The following KCNH5 variants were observed in gnomAD, a reference collection of about 807,000 sequenced individuals.
KCNH5 encodes voltage-gated delayed rectifier potassium channel KCNH5.
Under a neutral mutation model 96.1 loss-of-function variants are expected in KCNH5, and 46 were observed. The ratio of observed to expected loss-of-function variants is 0.48; its 90% CI spans 0.38 to 0.61. The LOEUF (loss-of-function observed/expected upper bound fraction) is 0.61, where lower values mean the gene tolerates loss of function less well. Among genes scored for constraint, KCNH5 ranks in the 20% least tolerant of loss-of-function variants. KCNH5 has a pLI of 0.00. For missense variants in KCNH5, 907 were observed against 1,225.8 expected (o/e 0.74, Z 3.88); for synonymous variants, 439 against 449.8 (o/e 0.98, Z 0.30).
intron 8 of KCNH5, among the ~76,000 whole-genome samples, chr14:62,818,690 A>G (rs889962736): frequency 6.6e-6 from 1 of 152,218 alleles, no homozygotes; most frequent in African/African-American, 2.4e-5. Flanking sequence ...AAGTGTGTAG[A>G]TATGTTATTA....
At position 62,964,538 on chromosome 14, in the gene KCNH5, A is replaced by G. The variant is rs552333983; in HGVS notation, c.943-13979T>C. On this transcript the variant is annotated intron_variant, in intron 6 of 10. Transcript: ENST00000322893. ...ACTTACTGTCTGTTTTTCCCCCACC[A>G]GAATATTAACTCTGACCAAGATGAC... Among the ~76,000 whole-genome samples, 88 of 152,164 alleles carry G rather than the reference A, an allele frequency of 5.8e-4. 2 individuals carry two copies. In the South Asian group the frequency reaches 0.018, roughly 31 times the overall value.
At chr14:62,787,343 T>G (rs1886339641) in intron 9 of KCNH5, among the ~76,000 whole-genome samples, 1 of 152,116 alleles carries the variant, frequency 6.6e-6, no homozygotes, top group Non-Finnish European at 1.5e-5. Context: ...TATCTCCAAT[T>G]CTGTAAAGGC....
At chr14:63,037,307 A>C (rs1372492117) in intron 1 of KCNH5, among the ~76,000 whole-genome samples, 1 of 152,180 alleles carries the variant, frequency 6.6e-6, no homozygotes, top group African/African-American at 2.4e-5. Flanking sequence ...AAATATGCAC[A>C]TGCCCTCCAC....
At chr14:62,799,688 C>A (rs117560827) in intron 9 of KCNH5, among the ~76,000 whole-genome samples, 14,781 of 56,282 alleles carry the variant, frequency 0.26, 1,182 homozygotes, top group South Asian at 0.35. Flanking sequence ...TATGTATATA[C>A]CTTTATATAT....
chr14:62,707,452 A>G lies in KCNH5; in HGVS notation c.*56T>C. 1.1e-6 allele frequency: 1 copy of G among 874,700 alleles called. No homozygotes were observed. The highest frequency in any genetic ancestry group is 1.6e-6 in the Non-Finnish European group (1 of 637,648). The allele number at this position is 874,700 out of a possible 1,614,324, so 54.2% of individuals were successfully genotyped here. On this transcript the variant is annotated 3_prime_UTR_variant, in exon 11 of 11. Coordinates refer to ENST00000322893, the MANE Select transcript of KCNH5 (RefSeq NM_139318.5). ...AAATATATATATGTATATACTGTAT[A>G]TACACACATATGTATATACTGTTTT...
intron 7 of KCNH5, among the ~76,000 whole-genome samples, chr14:62,882,100 T>TAAAAAAAAAAAA (rs143123435): frequency 5.2e-5 from 4 of 76,658 alleles, no homozygotes; most frequent in African/African-American, 1.8e-4. Flanking sequence ...CCCCATTTCT[T>TAAAAAAAAAAAA]AAAAAAAAAA....
chr14:62,944,504 C>T (rs1357873142), intron 7 of KCNH5, among the ~76,000 whole-genome samples: 1 of 152,144 alleles, frequency 6.6e-6, no homozygotes, highest in African/African-American at 2.4e-5. Context: ...CACATACACA[C>T]ACACACACCG....
At chr14:63,041,179 A>G (rs886338527) in intron 1 of KCNH5, among the ~76,000 whole-genome samples, 2 of 152,154 alleles carry the variant, frequency 1.3e-5, no homozygotes, top group African/African-American at 2.4e-5. Flanking sequence ...CTGCCCAAAG[A>G]CAAAATCAGG....
intron 7 of KCNH5, among the ~76,000 whole-genome samples, chr14:62,890,917 G>A (rs554927527): frequency 1.3e-5 from 2 of 152,234 alleles, no homozygotes; most frequent in Non-Finnish European, 2.9e-5. Flanking sequence ...AAATGCTGGC[G>A]AGGTTGCAGA....
rs568517266 is a variant in KCNH5, at chr14:62,838,424, C to T, written c.1569+11229G>A. On this transcript the variant is annotated intron_variant, in intron 8 of 10. Transcript: ENST00000322893. ...AGGTCCAAGGTCTCTAATTGTTTCT[C>T]ATAAGCCCATCATGCCCCATCTAAG... Among the ~76,000 whole-genome samples the T allele has an allele frequency of 2.6e-5, 4 of 152,252 alleles. No individual in the cohort carries two copies. In the East Asian group the frequency reaches 7.7e-4, roughly 29 times the overall value.
chr14:62,723,062 T>G (rs1007017382), intron 10 of KCNH5, among the ~76,000 whole-genome samples: 4 of 152,178 alleles, frequency 2.6e-5, no homozygotes, highest in Admixed American at 6.5e-5. Context: ...TGGCTTTAGC[T>G]CTCGCCTTGG....
intron 6 of KCNH5, among the ~76,000 whole-genome samples, chr14:62,973,058 C>A (rs1890438409): frequency 6.6e-6 from 1 of 152,146 alleles, no homozygotes; most frequent in Non-Finnish European, 1.5e-5. Context: ...AACAGATGTA[C>A]CACTCTGGTG....
intron 7 of KCNH5, among the ~76,000 whole-genome samples, chr14:62,911,642 T>C (rs1692588767): frequency 6.6e-6 from 1 of 151,412 alleles, no homozygotes; most frequent in Non-Finnish European, 1.5e-5. Context: ...ATTAGAGAAG[T>C]GGGTCAATAT....
chr14:62,923,591 G>T (rs749468843), intron 7 of KCNH5, among the ~76,000 whole-genome samples: 10 of 151,764 alleles, frequency 6.6e-5, no homozygotes, highest in Non-Finnish European at 1.3e-4. Flanking sequence ...TCAATAATCA[G>T]AATAGTATGG....
intron 8 of KCNH5, among the ~76,000 whole-genome samples, chr14:62,835,843 T>A (rs1444570973): frequency 6.6e-6 from 1 of 152,058 alleles, no homozygotes; most frequent in Non-Finnish European, 1.5e-5. Context: ...TTACTTTTGC[T>A]ACGTTTCAAT....
chr14:63,001,362 G>T lies in KCNH5; in HGVS notation c.402C>A (p.Phe134Leu), dbSNP rs201865333. 6.2e-7 allele frequency: 1 copy of T among 1,610,678 alleles called. No individual in the cohort carries two copies. Among genetic ancestry groups the T allele is most frequent in the South Asian group, 1.1e-5 (1 of 90,234 alleles). Residue 134 changes from phenylalanine (F) to leucine (L), a missense_variant, in exon 4 of 11, where the codon TTC (phenylalanine) becomes TTA (leucine). By Grantham distance (22) the Phe-to-Leu change is conservative (BLOSUM62 0). This residue lies in a region of KCNH5 where 370 missense variants were observed against 561.3 expected (regional missense o/e 0.66). Coordinates refer to ENST00000322893, the MANE Select transcript of KCNH5 (RefSeq NM_139318.5). ...FLCTFKDITL[F>L]KQPIEDDSTK... is the part of the protein sequence containing the mutation. ...TTGAATCATCCTCTATTGGCTGTTT[G>T]AACAACGTAATATCCTTGAAAGTAC...
intron 2 of KCNH5, among the ~76,000 whole-genome samples, chr14:63,015,767 G>T (rs1891316357): frequency 6.6e-6 from 1 of 151,702 alleles, no homozygotes; most frequent in South Asian, 2.1e-4. Flanking sequence ...GTACCCAAGG[G>T]TTTCATATCC....
rs374491950 is a variant in KCNH5, at chr14:63,045,228, G to T, written c.-42C>A. On this transcript the variant is annotated 5_prime_UTR_variant, in exon 1 of 11. Transcript: ENST00000322893. The stretch of plus-strand genomic sequence containing the variant: ...AGCGGCCAGGATCCGCGGCGGGGGA[G>T]GGGGGGATGCAGGCAAAGAAGGTGG... 16 of 1,458,750 alleles carry T rather than the reference G, an allele frequency of 1.1e-5. No homozygotes were observed. The Admixed American group carries it at 1.5e-4, about 14-fold the overall frequency. 90.4% of individuals were successfully genotyped at this position (1,458,750 alleles called of 1,614,324 possible).
chr14:62,968,688 G>A (rs759051672), intron 6 of KCNH5, among the ~76,000 whole-genome samples: 6 of 152,302 alleles, frequency 3.9e-5, no homozygotes, highest in Non-Finnish European at 5.9e-5. Context: ...TGTATAGTTA[G>A]GAAATGTGGT....
Sources: allele counts gnomAD v4.1 joint callset (sites outside exome capture counted in the v4.1 genomes callset), GRCh38; gene constraint gnomAD v4.1.1; regional missense constraint gnomAD v4.1.1; transcripts MANE v1.5; gene names NCBI Gene and HGNC (gene_info 2026-07-23, HGNC 2026-07-21).